Variants in DTD1 observed in about 807,000 individuals in gnomAD.
DTD1 encodes D-aminoacyl-tRNA deacylase 1, also known as D-tyrosyl-tRNA deacylase 1 homolog.
DTD1 carries 13 observed loss-of-function variants against 25.6 expected under a neutral mutation model. The observed-to-expected ratio is 0.51, with a 90% CI of 0.33 to 0.81. The LOEUF (loss-of-function observed/expected upper bound fraction) is 0.81. Among genes scored for constraint, DTD1 ranks in the 30% least tolerant of loss-of-function variants. The pLI is 0.02. For synonymous variants in DTD1, 110 were observed against 103.6 expected (o/e 1.06, Z -0.37); for missense variants, 193 against 266.4 (o/e 0.72, Z 1.92).
chr20:18,615,055 C>A (rs2060703778), intron 3 of DTD1, among the ~76,000 whole-genome samples: 1 of 152,196 alleles, frequency 6.6e-6, no homozygotes, highest in African/African-American at 2.4e-5. Flanking sequence ...GTGAGCATTG[C>A]AAGAGCAGGC....
chr20:18,670,486 C>T (rs1401040978), intron 4 of DTD1, among the ~76,000 whole-genome samples: 1 of 152,132 alleles, frequency 6.6e-6, no homozygotes, highest in Middle Eastern at 3.2e-3. Flanking sequence ...AAGTCATTTC[C>T]ATTTGACTTC....
At chr20:18,633,780 C>T (rs969959394) in intron 4 of DTD1, among the ~76,000 whole-genome samples, 10 of 152,242 alleles carry the variant, frequency 6.6e-5, no homozygotes, top group Non-Finnish European at 1.0e-4. Context: ...CAGAGCTCTA[C>T]TTATGTGATG....
At position 18,764,685 on chromosome 20, in the gene DTD1, A is replaced by T. The variant is rs2061374700; in HGVS notation, c.*1345A>T. The T allele has an allele frequency of 6.6e-6, 1 of 152,222 alleles. No homozygotes were observed. Among genetic ancestry groups the T allele is most frequent in the South Asian group, 2.1e-4 (1 of 4,832 alleles). The allele number at this position is 152,222 out of a possible 1,614,324, so 9.4% of individuals were successfully genotyped here. ...CTGCCAGACTGCTTTGTTCTAAACC[A>T]ATTCAGATGGTCCAGTGTAATTCAC... On this transcript the variant is annotated 3_prime_UTR_variant, in exon 6 of 6. Coordinates refer to ENST00000377452, the MANE Select transcript of DTD1 (RefSeq NM_080820.6).
At chr20:18,589,090 C>T (rs1233596390) in intron 1 of DTD1, among the ~76,000 whole-genome samples, 1 of 152,190 alleles carries the variant, frequency 6.6e-6, no homozygotes, top group Non-Finnish European at 1.5e-5. Flanking sequence ...GTGGCTCACA[C>T]CTGTAATCCC....
chr20:18,636,814 G>C (rs1185410341), intron 4 of DTD1, among the ~76,000 whole-genome samples: 1 of 152,210 alleles, frequency 6.6e-6, no homozygotes, highest in Non-Finnish European at 1.5e-5. Flanking sequence ...GTTGTGTGCA[G>C]AGATTACACA....
chr20:18,684,343 G>A (rs1348346248), intron 4 of DTD1, among the ~76,000 whole-genome samples: 2 of 152,058 alleles, frequency 1.3e-5, no homozygotes, highest in Non-Finnish European at 2.9e-5. Flanking sequence ...CTGGATTGCA[G>A]TGGGGTGATC....
At chr20:18,658,244 GTGTTGT>G (rs1473454116) in intron 4 of DTD1, among the ~76,000 whole-genome samples, 2 of 150,566 alleles carry the variant, frequency 1.3e-5, no homozygotes, top group East Asian at 3.9e-4. Flanking sequence ...CCACCCCTGT[GTGTTGT>G]TGTTGTTGTT....
intron 3 of DTD1, among the ~76,000 whole-genome samples, chr20:18,625,544 C>T (rs1279257174): frequency 6.6e-6 from 1 of 152,216 alleles, no homozygotes; most frequent in African/African-American, 2.4e-5. Flanking sequence ...AGGTCAGAAC[C>T]ACCATGGATG....
At chr20:18,686,128 AAATC>A (rs1363125817) in intron 4 of DTD1, among the ~76,000 whole-genome samples, 1 of 152,252 alleles carries the variant, frequency 6.6e-6, no homozygotes, top group Non-Finnish European at 1.5e-5. Flanking sequence ...ACATTTACAG[AAATC>A]AATGACATAT....
At chr20:18,711,732 T>G (rs573485890) in intron 4 of DTD1, among the ~76,000 whole-genome samples, 1 of 152,278 alleles carries the variant, frequency 6.6e-6, no homozygotes, top group East Asian at 1.9e-4. Flanking sequence ...TTGTGCTTAT[T>G]TAGGTAGAAA....
At chr20:18,751,695 T>A (rs1600223310) in intron 5 of DTD1, among the ~76,000 whole-genome samples, 1 of 152,112 alleles carries the variant, frequency 6.6e-6, no homozygotes, top group African/African-American at 2.4e-5. Flanking sequence ...GGTTTTAACA[T>A]GTTGGCCAGG....
intron 4 of DTD1, among the ~76,000 whole-genome samples, chr20:18,716,758 C>T (rs1328644263): frequency 6.6e-6 from 1 of 152,186 alleles, no homozygotes; most frequent in South Asian, 2.1e-4. Context: ...AAAAACTTAC[C>T]TGCTGCTAGC....
chr20:18,682,013 C>T (rs2060999191), intron 4 of DTD1, among the ~76,000 whole-genome samples: 1 of 152,136 alleles, frequency 6.6e-6, no homozygotes, highest in Non-Finnish European at 1.5e-5. Flanking sequence ...GAGGGAGGAA[C>T]TGGGAGTGCT....
intron 4 of DTD1, among the ~76,000 whole-genome samples, chr20:18,644,488 A>G (rs373177166): frequency 6.6e-6 from 1 of 152,240 alleles, no homozygotes; most frequent in African/African-American, 2.4e-5. Context: ...CAGAACATGT[A>G]TACCTCCCAG....
intron 3 of DTD1, among the ~76,000 whole-genome samples, chr20:18,614,459 C>G (rs544284062): frequency 3.3e-4 from 51 of 152,318 alleles, no homozygotes; most frequent in Middle Eastern, 3.4e-3. Flanking sequence ...AGTTCACGGC[C>G]AGGTCCCCAG....
chr20:18,616,897 C>T (rs1045181620), intron 3 of DTD1, among the ~76,000 whole-genome samples: 13 of 152,214 alleles, frequency 8.5e-5, no homozygotes, highest in African/African-American at 3.1e-4. Flanking sequence ...ACAGTGGGTG[C>T]TTTGTGATTT....
At chr20:18,733,108 A>G (rs1294541377) in intron 4 of DTD1, among the ~76,000 whole-genome samples, 1 of 152,182 alleles carries the variant, frequency 6.6e-6, no homozygotes, top group East Asian at 1.9e-4. Flanking sequence ...AAGGGAGGAA[A>G]GCCTAAAAGG....
chr20:18,701,417 C>T (rs902730395), intron 4 of DTD1, among the ~76,000 whole-genome samples: 4 of 152,218 alleles, frequency 2.6e-5, no homozygotes, highest in Non-Finnish European at 4.4e-5. Flanking sequence ...TGATTCATTA[C>T]GTCCTTTGCC....
intron 5 of DTD1, among the ~76,000 whole-genome samples, chr20:18,761,897 C>T (rs985583767): frequency 2.6e-5 from 4 of 152,134 alleles, no homozygotes; most frequent in African/African-American, 7.2e-5. Flanking sequence ...GTAATATGGT[C>T]CCCAGGAATG....
Sources: gnomAD v4.1 joint callset for allele counts (sites outside exome capture counted in the v4.1 genomes callset) on GRCh38, gnomAD v4.1.1 for gene constraint, MANE v1.5 for transcripts, NCBI Gene and HGNC (gene_info 2026-07-23, HGNC 2026-07-21) for gene names.